CASZ1: variants seen among roughly 807,000 people sequenced by gnomAD.
CASZ1 encodes the protein zinc finger protein castor homolog 1.
CASZ1 carries 28 observed loss-of-function variants against 135.2 expected under a neutral mutation model. The observed-to-expected ratio is 0.21, with a 90% confidence interval of 0.15 to 0.28. The LOEUF is 0.28. CASZ1 is among the 10% of genes least tolerant of loss of function. The pLI is 1.00. For missense variants in CASZ1, 2,161 were observed against 2,453.3 expected (o/e 0.88, Z 2.52); for synonymous variants, 1,068 against 1,073.4 (o/e 0.99, Z 0.10).
At position 10,660,262 on chromosome 1, in the gene CASZ1, C is replaced by G; in HGVS notation, c.780G>C (p.Lys260Asn). ...EQLSWPAPSTKTEERVGKEVV... is the reference protein window; with the variant it reads ...EQLSWPAPSTNTEERVGKEVV... ...CCTCCTTGCCCACCCGCTCCTCGGT[C>G]TTGGTGCTGGGGGCCGGCCAGGAGA... Residue 260 changes from lysine to asparagine, a missense_variant, in exon 6 of 21, where the codon AAG (lysine) becomes AAC (asparagine). By Grantham distance (94) the Lys-to-Asn change is moderately conservative. Transcript: ENST00000377022. 1 of 1,613,840 alleles carries G rather than the reference C, an allele frequency of 6.2e-7. No individual in the cohort carries two copies. Among genetic ancestry groups the G allele is most frequent in the Non-Finnish European group, 8.5e-7 (1 of 1,179,944 alleles).
rs1310819333 is a variant in CASZ1, at chr1:10,699,717, G to A, written c.-24+5775C>T. The stretch of plus-strand genomic sequence containing the variant: ...TCCTCCACTTTGGAGGGAGAGAGAA[G>A]GAGGAAAAAACCCCAAACCAAAATC... On this transcript the variant is annotated intron_variant, in intron 3 of 20. Transcript: ENST00000377022. This position sits in a 1 kb window ranked among gnomAD's most constrained non-coding sequence, Gnocchi z 4.6. Among the ~76,000 whole-genome samples, 5 of 152,084 alleles carry A rather than the reference G, an allele frequency of 3.3e-5. No individual in the cohort carries two copies. Among genetic ancestry groups the A allele is most frequent in the African/African-American group, 9.7e-5 (4 of 41,394 alleles).
rs2387416 is a variant in CASZ1, at chr1:10,794,416, A to G, written c.-234+2148T>C. 0.86 allele frequency among the ~76,000 whole-genome samples: 130,073 copies of G among 151,882 alleles called. 55,753 individuals carry two copies. Among genetic ancestry groups the G allele is most frequent in the East Asian group, 0.97 (4,967 of 5,106 alleles). Reference sequence around the variant, plus strand: ...GACAACTACGCACAATGAGGGCCGCACCCCCACACTCCACTCGGTCAGAAA... The same window carrying G: ...GACAACTACGCACAATGAGGGCCGCGCCCCCACACTCCACTCGGTCAGAAA... On this transcript the variant is annotated intron_variant, in intron 1 of 20. Transcript: ENST00000377022. The surrounding 1 kb of genome is among the most constrained non-coding windows in gnomAD (Gnocchi z 5.6).
At chr1:10,655,503 T>G in intron 9 of CASZ1, 146 bp downstream of exon 9, 1 of 800,416 alleles carries the variant, frequency 1.2e-6, no homozygotes, top group Non-Finnish European at 1.9e-6. Context: ...TGGCCATCCC[T>G]GTGCTGGGCC....
Position 10,788,191 on chromosome 1 carries a change from G to C in CASZ1, c.-234+8373C>G, listed in dbSNP as rs1023661629. On this transcript the variant is annotated intron_variant, in intron 1 of 20. Transcript: ENST00000377022. The surrounding 1 kb of genome is among the most constrained non-coding windows in gnomAD (Gnocchi z 4.1). ...CCATTACTGTGGATAGGGGAACCGGGAGAGCTGCCTTTGGCTTGGTGAGGG... is the reference window on the plus strand; with the variant it reads ...CCATTACTGTGGATAGGGGAACCGGCAGAGCTGCCTTTGGCTTGGTGAGGG... Among the ~76,000 whole-genome samples the C allele has an allele frequency of 6.6e-6, 1 of 152,222 alleles. No individual in the cohort carries two copies. The highest frequency in any genetic ancestry group is 1.5e-5 in the Non-Finnish European group (1 of 68,042).
chr1:10,722,408 G>A (rs181166358), intron 2 of CASZ1, among the ~76,000 whole-genome samples: 21 of 152,336 alleles, frequency 1.4e-4, no homozygotes, highest in African/African-American at 2.4e-4. Flanking sequence ...GCAGCCTTCC[G>A]TCCCACACGG....
chr1:10,686,587 C>T (rs1487659260), intron 4 of CASZ1, among the ~76,000 whole-genome samples: 1 of 152,226 alleles, frequency 6.6e-6, no homozygotes, highest in African/African-American at 2.4e-5. Context: ...CCCAGGCCGT[C>T]TCAGCTCACT....
chr1:10,640,188 C>A, intron 20 of CASZ1, 129 bp from the exon 21 acceptor site: 1 of 1,411,558 alleles, frequency 7.1e-7, no homozygotes, highest in South Asian at 1.4e-5. Flanking sequence ...CCTCGGCTTC[C>A]CCTGGCTTGG....
chr1:10,648,742 G>C, intron 15 of CASZ1: 1 of 304,130 alleles, frequency 3.3e-6, no homozygotes, highest in South Asian at 7.3e-5. Flanking sequence ...TCACAGCCGA[G>C]TCTCTCCAGC....
intron 1 of CASZ1, among the ~76,000 whole-genome samples, chr1:10,782,600 C>G (rs1174728961): frequency 6.6e-6 from 1 of 152,114 alleles, no homozygotes; most frequent in Non-Finnish European, 1.5e-5. Context: ...CCGGGTGGGT[C>G]ACCCGGGACA....
At chr1:10,656,790 C>G in intron 7 of CASZ1, 54 bp from the exon 8 acceptor site, 1 of 1,072,978 alleles carries the variant, frequency 9.3e-7, no homozygotes, top group East Asian at 2.6e-5. Context: ...AGTCCCAGCC[C>G]CAGCCCCAGC....
In CASZ1 at chr1:10,788,086, C is replaced by T. The variant is rs1043122689; in HGVS notation, c.-234+8478G>A. 5.3e-5 allele frequency among the ~76,000 whole-genome samples: 8 copies of T among 152,178 alleles called. No individual in the cohort carries two copies. Among genetic ancestry groups the T allele is most frequent in the East Asian group, 1.9e-4 (1 of 5,204 alleles). ...TCAAACATCTTAGAATCCCAGAGAA[C>T]GTTAGCTGGATACGGGGATGTTCTC... On this transcript the variant is annotated intron_variant, in intron 1 of 20. Transcript: ENST00000377022. The surrounding 1 kb of genome is among the most constrained non-coding windows in gnomAD (Gnocchi z 4.1).
rs1643232355 is a variant in CASZ1, at chr1:10,666,331, C to T, written c.17-760G>A. On this transcript the variant is annotated intron_variant, in intron 4 of 20. Coordinates refer to ENST00000377022, the MANE Select transcript of CASZ1 (RefSeq NM_001079843.3). This position sits in a 1 kb window ranked among gnomAD's most constrained non-coding sequence, Gnocchi z 5.2. ...GGTCTTCTCCAGCCCTTGCCAGCCC[C>T]CTCTTGGCCTCTCTGTCCATTTCCT... 6.6e-6 allele frequency among the ~76,000 whole-genome samples: 1 copy of T among 152,206 alleles called. No homozygotes were observed. The highest frequency in any genetic ancestry group is 2.4e-5 in the African/African-American group (1 of 41,454).
intron 1 of CASZ1, among the ~76,000 whole-genome samples, chr1:10,791,403 C>A (rs1392390830): frequency 6.6e-6 from 1 of 152,224 alleles, no homozygotes; most frequent in African/African-American, 2.4e-5. Context: ...TAATTCTTTC[C>A]TGTAAACAAT....
chr1:10,736,342 C>A (rs904546756), intron 2 of CASZ1, among the ~76,000 whole-genome samples: 1 of 152,228 alleles, frequency 6.6e-6, no homozygotes, highest in African/African-American at 2.4e-5. Context: ...AAGGGATCAG[C>A]AGGCAACGAG....
rs1350563987 is a variant in CASZ1, at chr1:10,647,513, G to A, written c.3497+288C>T. 9.1e-6 allele frequency: 12 copies of A among 1,323,696 alleles called. No individual in the cohort carries two copies. In the East Asian group the frequency reaches 1.0e-4, roughly 11 times the overall value. The allele number at this position is 1,323,696 out of a possible 1,614,324, so 82.0% of individuals were successfully genotyped here. A position where few individuals can be genotyped will look rare whatever the true frequency, so the allele number is the denominator to read the frequency against. On this transcript the variant is annotated intron_variant, in intron 16 of 20. Coordinates refer to ENST00000377022, the MANE Select transcript of CASZ1 (RefSeq NM_001079843.3). This position sits in a 1 kb window ranked among gnomAD's most constrained non-coding sequence, Gnocchi z 4.9. ...GGAGTTGTCCTCTGAGGACCACCAC[G>A]CCCAGTCCACCCCACCTGGCCCTGG... is the stretch of plus-strand genomic sequence containing the variant.
rs552808879 is a variant in CASZ1, at chr1:10,776,091, C to T, written c.-233-15234G>A. Among the ~76,000 whole-genome samples, 3 of 152,330 alleles carry T rather than the reference C, an allele frequency of 2.0e-5. No homozygotes were observed. The highest frequency in any genetic ancestry group is 3.9e-4 in the East Asian group (2 of 5,188). On this transcript the variant is annotated intron_variant, in intron 1 of 20. Coordinates refer to ENST00000377022, the MANE Select transcript of CASZ1 (RefSeq NM_001079843.3). The surrounding 1 kb of genome is among the most constrained non-coding windows in gnomAD (Gnocchi z 4.1). ...AATAGCAGAGGCATAAATGAAAAGT[C>T]CAATTTCTTCAAATTTGCATTGTAA...
At chr1:10,658,308 A>C (rs1046305162) in intron 7 of CASZ1, 200 bp downstream of exon 7, 10 of 587,092 alleles carry the variant, frequency 1.7e-5, no homozygotes, top group Non-Finnish European at 2.5e-5. Context: ...TGTGGCCTGG[A>C]CTACACAGAG....
At chr1:10,648,838 T>C (rs1204699997) in intron 15 of CASZ1, 11 of 553,880 alleles carry the variant, frequency 2.0e-5, no homozygotes, top group Non-Finnish European at 3.5e-5. Flanking sequence ...CAGCAGCAGC[T>C]GTTGCTCAGG....
At chr1:10,723,771 T>C (rs1639546728) in intron 2 of CASZ1, among the ~76,000 whole-genome samples, 2 of 152,182 alleles carry the variant, frequency 1.3e-5, no homozygotes, top group South Asian at 4.1e-4. Context: ...CAGGACTAGA[T>C]GCCCAGGAAG....
Sources: gnomAD v4.1 joint callset for allele counts (sites outside exome capture counted in the v4.1 genomes callset) on GRCh38, gnomAD v4.1.1 for gene constraint, Gnocchi (gnomAD v3.1) non-coding constraint, MANE v1.5 for transcripts, NCBI Gene and HGNC (gene_info 2026-07-23, HGNC 2026-07-21) for gene names.